The following RASA2 variants were observed in gnomAD, a reference collection of about 807,000 sequenced individuals.
RASA2 encodes the protein ras GTPase-activating protein 2.
A neutral mutation model predicts 118.2 loss-of-function variants in RASA2; 155 were observed. The ratio of observed to expected loss-of-function variants is 1.31; its 90% CI spans 1.15 to 1.50. The LOEUF is 1.50. Among genes scored for constraint, RASA2 ranks in the 40% most tolerant of loss-of-function variants. RASA2 has a pLI of 0.00. For synonymous variants in RASA2, 353 were observed against 349.1 expected, an observed-to-expected ratio of 1.01 and a Z score of -0.12; for missense variants, 1,016 against 1,009.6, an observed-to-expected ratio of 1.01 and a Z score of -0.09.
rs758407240 is a variant in RASA2, at chr3:141,512,215, T to C, written c.186T>C (p.Cys62=). Residue 62 remains cysteine, a synonymous_variant, in exon 2 of 24, where the codon TGT becomes TGC. Transcript: ENST00000286364. ...TTGGACCCCACAAAATGAGAGATTG[T>C]TTCTGTACCATAAATTTGGACCAGG... ...PYLGPHKMRD[C]FCTINLDQEE... is the part of the protein sequence containing the mutation. The C allele has an allele frequency of 6.9e-6, 11 of 1,602,728 alleles. No homozygotes were observed. The highest frequency in any genetic ancestry group is 9.3e-6 in the Non-Finnish European group (11 of 1,177,328).
chr3:141,493,910 T>C (rs1160815196), intron 1 of RASA2, among the ~76,000 whole-genome samples: 1 of 152,214 alleles, frequency 6.6e-6, no homozygotes, highest in African/African-American at 2.4e-5. Flanking sequence ...AACATACAAA[T>C]TATAGCAAAA....
intron 17 of RASA2, among the ~76,000 whole-genome samples, chr3:141,583,299 C>A (rs1011901953): frequency 1.3e-5 from 2 of 152,044 alleles, no homozygotes; most frequent in African/African-American, 4.8e-5. Context: ...GTGGCACGTG[C>A]CTGTAATCCC....
At chr3:141,492,818 T>C (rs976475212) in intron 1 of RASA2, among the ~76,000 whole-genome samples, 2 of 152,240 alleles carry the variant, frequency 1.3e-5, no homozygotes, top group African/African-American at 2.4e-5. Context: ...TTTCTGTGAC[T>C]GTTAATTAAT....
rs2081586300 is a variant in RASA2, at chr3:141,487,114, G to C, written c.31G>C (p.Ala11Pro). The change falls in exon 1 of 24, where the codon GCT becomes CCT. Residue 11 changes from alanine (A) to proline (P), a missense_variant. Ala to Pro is a conservative substitution (Grantham distance 27). Around this residue, in one of 2 missense-constraint regions of RASA2, gnomAD observed 896 missense variants for 836.4 expected, o/e 1.07. Transcript: ENST00000286364. The part of the protein sequence containing the change: MAAAAPAAAA[A>P]SSEAPAASAT... ...GGCGGCGGCGCCTGCTGCTGCGGCG[G>C]CTTCTTCCGAGGCGCCAGCGGCGAG... 2 of 1,417,758 alleles carry C rather than the reference G, an allele frequency of 1.4e-6. No individual in the cohort carries two copies. The highest frequency in any genetic ancestry group is 2.6e-5 in the Admixed American group (1 of 37,802). The allele number at this position is 1,417,758 out of a possible 1,614,324, so 87.8% of individuals were successfully genotyped here.
intron 3 of RASA2, among the ~76,000 whole-genome samples, chr3:141,523,350 CTT>C (rs2082139482): frequency 1.3e-5 from 2 of 152,108 alleles, no homozygotes. Flanking sequence ...GTCTCAAACT[CTT>C]ATCCACCTGC....
rs1247667010 is a variant in RASA2 at position 141,571,557 on chromosome 3, A to G, written c.1169+3A>G. The G allele has an allele frequency of 6.3e-7, 1 of 1,597,090 alleles. No homozygotes were observed. On this transcript the variant is annotated splice_donor_region_variant and intron_variant, in intron 11 of 23. Coordinates refer to ENST00000286364, the MANE Select transcript of RASA2 (RefSeq NM_006506.5). The stretch of plus-strand genomic sequence containing the variant: ...GAATTAGACTTGAAGGATACACAGT[A>G]AGAGTTATATTTTATTAAATGTTAA...
intron 5 of RASA2, among the ~76,000 whole-genome samples, chr3:141,542,470 AG>A (rs1296665160): frequency 6.6e-6 from 1 of 152,172 alleles, no homozygotes; most frequent in Non-Finnish European, 1.5e-5. Flanking sequence ...AATTTCACAC[AG>A]GAAGTGTTGG....
chr3:141,585,943 A>T, intron 17 of RASA2, 82 bp from the exon 18 acceptor site: 1 of 1,054,698 alleles, frequency 9.5e-7, no homozygotes, highest in Non-Finnish European at 1.4e-6. Context: ...TTCCCATTAT[A>T]ATTAATGACA....
At chr3:141,610,417 T>G (rs1030369780) in intron 23 of RASA2, among the ~76,000 whole-genome samples, 1 of 102,042 alleles carries the variant, frequency 9.8e-6, no homozygotes, top group Non-Finnish European at 1.9e-5. Context: ...TATATTTATA[T>G]TTATATATTA....
intron 5 of RASA2, among the ~76,000 whole-genome samples, chr3:141,550,622 C>T (rs527383102): frequency 6.6e-6 from 1 of 152,272 alleles, no homozygotes; most frequent in Non-Finnish European, 1.5e-5. Flanking sequence ...GAAATTATTT[C>T]AAAATAAGGT....
intron 1 of RASA2, among the ~76,000 whole-genome samples, chr3:141,508,607 G>C (rs941734857): frequency 1.3e-4 from 20 of 152,100 alleles, no homozygotes; most frequent in African/African-American, 4.8e-4. Flanking sequence ...TCAAAATCCT[G>C]TTCTCAAGCA....
chr3:141,517,067 G>A (rs2082038677), intron 3 of RASA2, among the ~76,000 whole-genome samples: 2 of 151,478 alleles, frequency 1.3e-5, no homozygotes, highest in Admixed American at 1.3e-4. Flanking sequence ...ACCACGCCTG[G>A]CCGGGCAGGG....
intron 2 of RASA2, among the ~76,000 whole-genome samples, chr3:141,513,057 C>CA (rs2081974303): frequency 6.8e-6 from 1 of 147,710 alleles, no homozygotes; most frequent in Non-Finnish European, 1.5e-5. Flanking sequence ...GAGTGAAACT[C>CA]CATCTCAGAA....
At chr3:141,599,684 C>G (rs1277582072) in intron 19 of RASA2, among the ~76,000 whole-genome samples, 2 of 151,992 alleles carry the variant, frequency 1.3e-5, no homozygotes, top group South Asian at 2.1e-4. Flanking sequence ...CTCCCTGTTG[C>G]CACAGATATA....
At position 141,516,328 on chromosome 3, in the gene RASA2, C is replaced by T. The variant is rs1411417781; in HGVS notation, c.252C>T (p.Ser84=). 2 of 1,544,270 alleles carry T rather than the reference C, an allele frequency of 1.3e-6. No individual in the cohort carries two copies. The highest frequency in any genetic ancestry group is 1.7e-6 in the Non-Finnish European group (2 of 1,148,200). The change falls in exon 3 of 24, where the codon AGC becomes AGT. Residue 84 remains serine, a splice_region_variant and synonymous_variant. Coordinates refer to ENST00000286364, the MANE Select transcript of RASA2 (RefSeq NM_006506.5). ...YRTQVVEKSL[S]PFFSEEFYFE... is the part of the protein sequence containing the mutation. The stretch of plus-strand genomic sequence containing the variant: ...TAATGAGCTTTCCTTTTCTTTCTAG[C>T]CCATTTTTCAGTGAAGAATTTTACT...
Position 141,571,049 on chromosome 3 carries a change from T to C in RASA2, c.1001T>C (p.Leu334Pro). 1.9e-6 allele frequency: 3 copies of C among 1,602,166 alleles called. No individual in the cohort carries two copies. Among genetic ancestry groups the C allele is most frequent in the Non-Finnish European group, 2.5e-6 (3 of 1,176,926 alleles). ...TATGGTCCTTTGAAAACTTTGCTGC[T>C]AAAATCACCAGATGTTCAAGTATGT... ...EYYGPLKTLLLKSPDVQPISA... is the reference protein window; with the variant it reads ...EYYGPLKTLLPKSPDVQPISA... Residue 334 changes from leucine (L) to proline (P), a missense_variant, in exon 10 of 24, where the codon CTA becomes CCA. By Grantham distance (98) the Leu-to-Pro change is moderately conservative (BLOSUM62 -3). This residue lies in a region of RASA2 where 896 missense variants were observed against 836.4 expected (regional missense o/e 1.07). Transcript: ENST00000286364.
intron 6 of RASA2, 93 bp from the exon 7 acceptor site, chr3:141,555,747 A>G: frequency 9.5e-7 from 1 of 1,049,966 alleles, no homozygotes; most frequent in South Asian, 1.5e-5. Context: ...CTTAACTTTT[A>G]AATGGAGGTC....
At chr3:141,550,811 T>A (rs1382528196) in intron 5 of RASA2, among the ~76,000 whole-genome samples, 1 of 152,130 alleles carries the variant, frequency 6.6e-6, no homozygotes. Context: ...GAGCCGAGAT[T>A]GCGCCACTGC....
intron 7 of RASA2, 53 bp from the exon 8 acceptor site, chr3:141,558,833 A>T: frequency 2.3e-6 from 3 of 1,318,270 alleles, no homozygotes. Context: ...TTTAAGCTGT[A>T]GGAAAAATGT....
Sources: gnomAD v4.1 joint callset for allele counts (sites outside exome capture counted in the v4.1 genomes callset) on GRCh38, gnomAD v4.1.1 for gene constraint, gnomAD v4.1.1 regional missense constraint, MANE v1.5 for transcripts, NCBI Gene and HGNC (gene_info 2026-07-23, HGNC 2026-07-21) for gene names.